Variants in CTNND2 observed in about 807,000 individuals in gnomAD.
CTNND2 encodes the protein catenin delta-2.
CTNND2 carries 22 observed loss-of-function variants against 144.4 expected under a neutral mutation model. The ratio of observed to expected loss-of-function variants is 0.15; its 90% CI spans 0.11 to 0.22. The LOEUF is 0.22. Ranked by LOEUF, CTNND2 falls within the 10% of genes least tolerant of loss-of-function variation. The probability of loss-of-function intolerance (pLI) is 1.00; values close to 1 mark genes in which losing one functional copy is unlikely to be tolerated. For synonymous variants in CTNND2, 751 were observed against 695.6 expected (o/e 1.08, Z -1.25); for missense variants, 1,353 against 1,618.8 (o/e 0.84, Z 2.82).
rs1439656662 is a variant in CTNND2 at position 11,662,095 on chromosome 5, ATACACATATTTATGTGTG to A, written c.174+70023_174+70040del. 2.7e-5 allele frequency among the ~76,000 whole-genome samples: 4 copies of A among 149,592 alleles called. No homozygotes were observed. The Admixed American group carries it at 2.7e-4, about 10-fold the overall frequency. ...GGATACATAGTTCATATATACATAT[ATACACATATTTATGTGTG>A]TGTGTATATATATATACATATATGT... On this transcript the variant is annotated intron_variant, in intron 2 of 21. Transcript: ENST00000304623.
Position 11,212,721 on chromosome 5 carries a change from C to T in CTNND2, c.1762-13060G>A, listed in dbSNP as rs574390764. On this transcript the variant is annotated intron_variant, in intron 10 of 21. Transcript: ENST00000304623. ...TTCCTGGAGCCCACATGGCTGAGGC[C>T]TGGCTCCACAGAGAGACCAGCAGTG... Among the ~76,000 whole-genome samples, 41 of 152,324 alleles carry T rather than the reference C, an allele frequency of 2.7e-4. No individual in the cohort carries two copies. In the South Asian group the frequency reaches 8.1e-3, roughly 30 times the overall value.
intron 10 of CTNND2, among the ~76,000 whole-genome samples, chr5:11,206,101 T>C (rs1310951611): frequency 1.3e-5 from 2 of 152,204 alleles, no homozygotes; most frequent in Non-Finnish European, 2.9e-5. Flanking sequence ...CTTAATTGCT[T>C]TCTTACCCGG....
chr5:11,522,151 T>C (rs969664156), intron 3 of CTNND2, among the ~76,000 whole-genome samples: 2 of 152,212 alleles, frequency 1.3e-5, no homozygotes, highest in Non-Finnish European at 2.9e-5. Flanking sequence ...TAGAGAGCAC[T>C]TATTTAATTT....
intron 3 of CTNND2, among the ~76,000 whole-genome samples, chr5:11,475,804 G>C (rs1002365789): frequency 6.6e-6 from 1 of 151,866 alleles, no homozygotes; most frequent in Admixed American, 6.6e-5. Context: ...GGTAAACCTG[G>C]ATGGACTCTT....
rs532380663 is a variant in CTNND2 at position 11,058,790 on chromosome 5, G to A, written c.2788+23906C>T. On this transcript the variant is annotated intron_variant, in intron 16 of 21. Coordinates refer to ENST00000304623, the MANE Select transcript of CTNND2 (RefSeq NM_001332.4). ...AGGCTATCCCCTGCAAAGCCACAGG[G>A]GTGAAGCTGCCCAAGACTATGGAAA... Among the ~76,000 whole-genome samples, 39 of 141,992 alleles carry A rather than the reference G, an allele frequency of 2.7e-4. No homozygotes were observed. In the South Asian group the frequency reaches 5.0e-3, roughly 18 times the overall value. 93.2% of individuals were successfully genotyped at this position (141,992 alleles called of 152,430 possible).
intron 1 of CTNND2, among the ~76,000 whole-genome samples, chr5:11,757,511 A>G (rs1007884317): frequency 6.6e-6 from 1 of 151,906 alleles, no homozygotes; most frequent in Non-Finnish European, 1.5e-5. Flanking sequence ...GAATACAAAC[A>G]TCTTAAGCTG....
intron 1 of CTNND2, among the ~76,000 whole-genome samples, chr5:11,764,270 C>T (rs1482808484): frequency 1.3e-5 from 2 of 152,132 alleles, no homozygotes; most frequent in Non-Finnish European, 1.5e-5. Context: ...CAGTGCAGAC[C>T]TACCAACACC....
At chr5:11,089,341 T>C (rs760334008) in intron 15 of CTNND2, among the ~76,000 whole-genome samples, 4 of 152,228 alleles carry the variant, frequency 2.6e-5, no homozygotes, top group Non-Finnish European at 5.9e-5. Context: ...GCTGGAAGTG[T>C]GCTTCCTCAC....
chr5:11,785,053 A>G, intron 1 of CTNND2, among the ~76,000 whole-genome samples: 1 of 152,358 alleles, frequency 6.6e-6, no homozygotes, highest in Middle Eastern at 3.4e-3. Context: ...ACATATAACT[A>G]TCTTGCTCAT....
chr5:11,116,736 A>G (rs1010653623), intron 13 of CTNND2, among the ~76,000 whole-genome samples: 9 of 152,174 alleles, frequency 5.9e-5, no homozygotes, highest in African/African-American at 1.9e-4. Context: ...CAGTTGTTAA[A>G]AAGCAAGTTT....
chr5:11,806,805 A>T (rs1248715842), intron 1 of CTNND2, among the ~76,000 whole-genome samples: 1 of 152,074 alleles, frequency 6.6e-6, no homozygotes, highest in Non-Finnish European at 1.5e-5. Context: ...GATTATTTTG[A>T]TGATCATGAA....
chr5:11,144,281 G>A (rs1291671354), intron 12 of CTNND2, among the ~76,000 whole-genome samples: 1 of 152,164 alleles, frequency 6.6e-6, no homozygotes, highest in Non-Finnish European at 1.5e-5. Context: ...CCTAAACTTG[G>A]GAGAAGAAAA....
At position 11,236,935 on chromosome 5, in the gene CTNND2, T is replaced by C. The variant is rs1007696326; in HGVS notation, c.1629-112A>G. 3 of 1,151,608 alleles carry C rather than the reference T, an allele frequency of 2.6e-6. No homozygotes were observed. The African/African-American group carries it at 4.6e-5, about 18-fold the overall frequency. The allele number at this position is 1,151,608 out of a possible 1,614,324, so 71.3% of individuals were successfully genotyped here. On this transcript the variant is annotated intron_variant, in intron 9 of 21. Transcript: ENST00000304623. ...CCTGACTCTAAAAGAAAATATTTCA[T>C]AAATGACTGTTCTGGTTTTCTTACA...
At chr5:11,276,604 C>G (rs944619904) in intron 9 of CTNND2, among the ~76,000 whole-genome samples, 2 of 152,132 alleles carry the variant, frequency 1.3e-5, no homozygotes, top group African/African-American at 4.8e-5. Context: ...TGCAAAGTGG[C>G]CCCCAAAAAG....
chr5:11,432,918 C>G lies in CTNND2; in HGVS notation c.288-20849G>C, dbSNP rs180698697. 3.3e-5 allele frequency among the ~76,000 whole-genome samples: 5 copies of G among 152,258 alleles called. No individual in the cohort carries two copies. The East Asian group carries it at 9.7e-4, about 29-fold the overall frequency. On this transcript the variant is annotated intron_variant, in intron 3 of 21. Transcript: ENST00000304623. ...TATTTACTCCACATTAAGTTTTTCA[C>G]AGAAGTCATTTTAAGACCACCAATC...
chr5:11,864,807 C>A (rs1795671061), intron 1 of CTNND2, among the ~76,000 whole-genome samples: 1 of 151,014 alleles, frequency 6.6e-6, no homozygotes, highest in African/African-American at 2.4e-5. Context: ...GCAAAACTGT[C>A]TCCACTTGAG....
intron 10 of CTNND2, among the ~76,000 whole-genome samples, chr5:11,235,996 C>G (rs139183164): frequency 6.6e-6 from 1 of 152,272 alleles, no homozygotes; most frequent in African/African-American, 2.4e-5. Context: ...GTTCCTTATA[C>G]GCAAATGCTT....
At chr5:11,227,781 T>G in intron 10 of CTNND2, among the ~76,000 whole-genome samples, 1 of 152,192 alleles carries the variant, frequency 6.6e-6, no homozygotes, top group East Asian at 1.9e-4. Flanking sequence ...AGCCAAAATA[T>G]TATTATAAAT....
chr5:11,250,491 C>CTATATATATATATATA (rs1285130441), intron 9 of CTNND2, among the ~76,000 whole-genome samples: 7 of 64,110 alleles, frequency 1.1e-4, no homozygotes, highest in South Asian at 7.3e-4. Context: ...CTCTCTCTCT[C>CTATATATATATATATA]TATATATATA....
Sources: gnomAD v4.1 joint callset for allele counts (sites outside exome capture counted in the v4.1 genomes callset) on GRCh38, gnomAD v4.1.1 for gene constraint, MANE v1.5 for transcripts, NCBI Gene and HGNC (gene_info 2026-07-23, HGNC 2026-07-21) for gene names.